Variants in TRMT1L observed in about 807,000 individuals in gnomAD.
The protein encoded by TRMT1L is tRNA methyltransferase 1L.
TRMT1L carries 28 observed loss-of-function variants against 81.6 expected under a neutral mutation model. The ratio of observed to expected loss-of-function variants is 0.34; its 90% CI spans 0.25 to 0.47. The LOEUF (loss-of-function observed/expected upper bound fraction) is 0.47. Ranked by LOEUF, TRMT1L falls within the 20% of genes least tolerant of loss-of-function variation. The pLI, the probability that TRMT1L is intolerant of heterozygous loss-of-function variation, is 1.00. For missense variants in TRMT1L, 739 were observed against 877.1 expected (o/e 0.84, Z 1.99); for synonymous variants, 301 against 303.2 (o/e 0.99, Z 0.07).
At chr1:185,140,773 G>A (rs1431230375) in intron 7 of TRMT1L, among the ~76,000 whole-genome samples, 1 of 151,744 alleles carries the variant, frequency 6.6e-6, no homozygotes, top group African/African-American at 2.4e-5. Context: ...GAGCCCAGGA[G>A]TTTGAGACCA....
rs543943902 is a variant in TRMT1L, at chr1:185,129,881, T to C, written c.1514-1134A>G. Among the ~76,000 whole-genome samples the C allele has an allele frequency of 7.2e-5, 11 of 152,348 alleles. No homozygotes were observed. In the East Asian group the frequency reaches 1.9e-3, roughly 27 times the overall value. ...GAACTATGTTCCTCAAATATGAGTATACTTAAGAAGTCTTCTCTTAAACCA... is the reference window on the plus strand; with the variant it reads ...GAACTATGTTCCTCAAATATGAGTACACTTAAGAAGTCTTCTCTTAAACCA... On this transcript the variant is annotated intron_variant, in intron 10 of 14. Coordinates refer to ENST00000367506, the MANE Select transcript of TRMT1L (RefSeq NM_030934.5).
intron 12 of TRMT1L, among the ~76,000 whole-genome samples, chr1:185,124,492 G>A (rs183431523): frequency 1.1e-4 from 16 of 152,074 alleles, no homozygotes; most frequent in African/African-American, 3.9e-4. Context: ...GAGCCCAGGA[G>A]TTTGAAATCC....
At chr1:185,124,057 C>T in intron 12 of TRMT1L, 138 bp from the exon 13 acceptor site, 1 of 535,844 alleles carries the variant, frequency 1.9e-6, no homozygotes, top group South Asian at 2.7e-5. Context: ...CCAAACTGAA[C>T]TGCAAAAATT....
chr1:185,126,355 C>T (rs780644848), intron 11 of TRMT1L, among the ~76,000 whole-genome samples: 14 of 152,070 alleles, frequency 9.2e-5, no homozygotes, highest in South Asian at 2.1e-4. Flanking sequence ...AGTGCACTGG[C>T]GCAATCTCAG....
chr1:185,150,225 TG>T (rs984799198), intron 3 of TRMT1L, among the ~76,000 whole-genome samples, 153 bp downstream of exon 3: 5 of 152,322 alleles, frequency 3.3e-5, no homozygotes, highest in African/African-American at 9.6e-5. Flanking sequence ...TAAAGCTATA[TG>T]GTGTTTTATT....
At chr1:185,145,594 A>G (rs763988322) in intron 4 of TRMT1L, 26 bp from the exon 5 acceptor site, 3 of 1,604,556 alleles carry the variant, frequency 1.9e-6, no homozygotes, top group Admixed American at 1.7e-5. Context: ...TTTAATTTAA[A>G]TAAGTTGCTA....
chr1:185,137,146 A>C (rs1652920826), intron 10 of TRMT1L, among the ~76,000 whole-genome samples: 1 of 152,366 alleles, frequency 6.6e-6, no homozygotes, highest in Non-Finnish European at 1.5e-5. Flanking sequence ...AGCTTTATGA[A>C]GGCATAAACT....
intron 10 of TRMT1L, 200 bp downstream of exon 10, chr1:185,137,406 T>C (rs1011772102): frequency 4.3e-6 from 3 of 693,120 alleles, no homozygotes; most frequent in Admixed American, 2.1e-5. Context: ...AAAGCATATA[T>C]TGTACAGCAT....
chr1:185,153,279 T>C (rs542732332), intron 1 of TRMT1L, among the ~76,000 whole-genome samples: 1 of 152,266 alleles, frequency 6.6e-6, no homozygotes, highest in South Asian at 2.1e-4. Context: ...AGGGGATACA[T>C]TCCCTACCTG....
At chr1:185,149,070 A>T (rs1294650503) in intron 3 of TRMT1L, among the ~76,000 whole-genome samples, 3 of 152,158 alleles carry the variant, frequency 2.0e-5, no homozygotes, top group Non-Finnish European at 4.4e-5. Context: ...GAATATTATA[A>T]AATCTTCCCT....
At chr1:185,121,651 G>A (rs1652502137) in intron 13 of TRMT1L, among the ~76,000 whole-genome samples, 1 of 151,952 alleles carries the variant, frequency 6.6e-6, no homozygotes, top group Non-Finnish European at 1.5e-5. Context: ...CTAGTCAAAG[G>A]ATAGATATCC....
At chr1:185,123,466 A>G (rs186352840) in intron 13 of TRMT1L, among the ~76,000 whole-genome samples, 1 of 152,306 alleles carries the variant, frequency 6.6e-6, no homozygotes, top group Non-Finnish European at 1.5e-5. Flanking sequence ...TTGGCTGAAG[A>G]ATGAGGTCTT....
chr1:185,146,756 C>G (rs1571355698), intron 4 of TRMT1L, among the ~76,000 whole-genome samples: 1 of 151,952 alleles, frequency 6.6e-6, no homozygotes, highest in East Asian at 1.9e-4. Flanking sequence ...CTGAAAGTTT[C>G]TTGATTCTCT....
chr1:185,141,532 T>C (rs1045542679), intron 7 of TRMT1L, among the ~76,000 whole-genome samples: 7 of 152,072 alleles, frequency 4.6e-5, no homozygotes, highest in African/African-American at 1.4e-4. Context: ...GGCGAAGCCC[T>C]GTCTCTACTA....
At chr1:185,136,690 T>C (rs965154779) in intron 10 of TRMT1L, among the ~76,000 whole-genome samples, 2 of 152,132 alleles carry the variant, frequency 1.3e-5, no homozygotes, top group African/African-American at 4.8e-5. Flanking sequence ...TGAGTAGGGA[T>C]TGCCATCACA....
At chr1:185,155,635 C>T (rs777901240) in intron 1 of TRMT1L, among the ~76,000 whole-genome samples, 2 of 152,144 alleles carry the variant, frequency 1.3e-5, no homozygotes, top group African/African-American at 2.4e-5. Flanking sequence ...ACATAAAGGT[C>T]AACTTATGAC....
chr1:185,141,432 G>A (rs922899262), intron 7 of TRMT1L, among the ~76,000 whole-genome samples: 23 of 152,240 alleles, frequency 1.5e-4, no homozygotes, highest in African/African-American at 5.5e-4. Flanking sequence ...GGCTGGGCGC[G>A]GTGGCTCACA....
rs370739293 is a variant in TRMT1L at position 185,150,445 on chromosome 1, A to G, written c.394T>C (p.Cys132Arg). Reference sequence around the variant, plus strand: ...TGACGACGAAGCTTATGGCTATTACAAGCTCTGAATTTTTCCTTAGGGCAC... The same window carrying G: ...TGACGACGAAGCTTATGGCTATTACGAGCTCTGAATTTTTCCTTAGGGCAC... ...PLCPKEKFRA[C>R]NSHKLRRHLQ... Residue 132 changes from cysteine (C) to arginine (R), a missense_variant, in exon 3 of 15, where the codon TGT becomes CGT. Physicochemically the swap from Cys to Arg is radical, Grantham distance 180. Coordinates refer to ENST00000367506, the MANE Select transcript of TRMT1L (RefSeq NM_030934.5). The G allele has an allele frequency of 1.3e-4, 211 of 1,613,648 alleles. No individual in the cohort carries two copies. The highest frequency in any genetic ancestry group is 1.8e-4 in the Non-Finnish European group (210 of 1,179,876).
At chr1:185,143,171 C>T (rs374134503) in intron 7 of TRMT1L, among the ~76,000 whole-genome samples, 186 bp downstream of exon 7, 8 of 151,902 alleles carry the variant, frequency 5.3e-5, no homozygotes, top group South Asian at 2.1e-4. Context: ...TTGAAGTAAG[C>T]GATGGATACA....
Sources: gnomAD v4.1 joint callset for allele counts (sites outside exome capture counted in the v4.1 genomes callset) on GRCh38, gnomAD v4.1.1 for gene constraint, MANE v1.5 for transcripts, NCBI Gene and HGNC (gene_info 2026-07-23, HGNC 2026-07-21) for gene names.